The following EPM2A variants were observed in gnomAD, a reference collection of about 807,000 sequenced individuals.
EPM2A encodes laforin.
Under a neutral mutation model 26.5 loss-of-function variants are expected in EPM2A, and 21 were observed. The observed-to-expected ratio is 0.79, with a 90% CI of 0.56 to 1.14. The LOEUF (loss-of-function observed/expected upper bound fraction) is 1.14, where lower values mean the gene tolerates loss of function less well. Among genes scored for constraint, EPM2A ranks in the 50% most tolerant of loss-of-function variants. The pLI, the probability that EPM2A is intolerant of heterozygous loss-of-function variation, is 0.00. For missense variants in EPM2A, 458 were observed against 440.8 expected, an observed-to-expected ratio of 1.04 and a Z score of -0.35; for synonymous variants, 217 against 177.6, an observed-to-expected ratio of 1.22 and a Z score of -1.76.
At chr6:145,679,012 A>G (rs1780290143) in intron 2 of EPM2A, among the ~76,000 whole-genome samples, 1 of 152,188 alleles carries the variant, frequency 6.6e-6, no homozygotes, top group African/African-American at 2.4e-5. Context: ...AATGTCCATC[A>G]ATGATAGACT....
At chr6:145,516,666 G>C (rs939744146) in intron 2 of EPM2A, among the ~76,000 whole-genome samples, 3 of 152,144 alleles carry the variant, frequency 2.0e-5, no homozygotes, top group East Asian at 1.9e-4. Context: ...GAATAGAGAA[G>C]TATATGGCCA....
chr6:145,501,033 T>C (rs1322437359), downstream of EPM2A, among the ~76,000 whole-genome samples: 1 of 152,202 alleles, frequency 6.6e-6, no homozygotes, highest in African/African-American at 2.4e-5. Context: ...ATAACACATA[T>C]AATATTTGTA....
Position 145,644,155 on chromosome 6 carries a change from C to G in EPM2A, c.477-8669G>C, listed in dbSNP as rs138445833. ...ATGTTCAGCTATACTGGGATGTTAA[C>G]TAAGTAAGATCCTCCTGCTAAAGCA... On this transcript the variant is annotated intron_variant, in intron 2 of 3. Transcript: ENST00000367519. Among the ~76,000 whole-genome samples the G allele has an allele frequency of 2.8e-3, 424 of 152,316 alleles. 1 individual carries two copies. The highest frequency in any genetic ancestry group is 4.4e-3 in the Admixed American group (67 of 15,300).
chr6:145,516,486 A>G (rs1780129156), intron 2 of EPM2A, among the ~76,000 whole-genome samples: 1 of 152,168 alleles, frequency 6.6e-6, no homozygotes, highest in Admixed American at 6.5e-5. Flanking sequence ...GCTAAGATCA[A>G]GATAGGGATG....
intron 4 of EPM2A, among the ~76,000 whole-genome samples, chr6:145,425,197 G>C (rs972393795): frequency 1.6e-5 from 2 of 124,634 alleles, no homozygotes; most frequent in African/African-American, 2.8e-5. Context: ...TTTCTTTGAC[G>C]TAGTCTTGCT....
intron 2 of EPM2A, among the ~76,000 whole-genome samples, chr6:145,578,626 T>C (rs930794452): frequency 2.6e-5 from 4 of 152,256 alleles, no homozygotes; most frequent in African/African-American, 9.6e-5. Context: ...CTAATACCAA[T>C]CCTACCCAAA....
At chr6:145,457,488 A>G (rs547592640) in intron 4 of EPM2A, among the ~76,000 whole-genome samples, 1 of 151,908 alleles carries the variant, frequency 6.6e-6, no homozygotes, top group Admixed American at 6.6e-5. Flanking sequence ...TCTCAAAAAA[A>G]AAAAAAAAAA....
chr6:145,611,123 G>A (rs892173439), intron 2 of EPM2A, among the ~76,000 whole-genome samples: 15 of 151,876 alleles, frequency 9.9e-5, no homozygotes, highest in Non-Finnish European at 1.3e-4. Context: ...AATAGACCAC[G>A]AACAGATAAA....
chr6:145,706,587 G>A (rs1477190827), intron 1 of EPM2A, among the ~76,000 whole-genome samples: 1 of 152,056 alleles, frequency 6.6e-6, no homozygotes, highest in East Asian at 1.9e-4. Context: ...GGTAGCCACT[G>A]GAGAAAAACA....
chr6:145,701,120 C>T (rs539161604), intron 1 of EPM2A, among the ~76,000 whole-genome samples: 5 of 152,186 alleles, frequency 3.3e-5, no homozygotes, highest in South Asian at 2.1e-4. Context: ...TAAAAGAGGG[C>T]GTAATCCTGG....
chr6:145,420,382 A>C (rs1401355418), intron 4 of EPM2A, among the ~76,000 whole-genome samples: 1 of 152,182 alleles, frequency 6.6e-6, no homozygotes, highest in Admixed American at 6.6e-5. Context: ...ATTATGTCTT[A>C]TGCTGGCTGC....
chr6:145,408,778 T>C (rs1778603378), intron 4 of EPM2A, among the ~76,000 whole-genome samples: 1 of 152,156 alleles, frequency 6.6e-6, no homozygotes, highest in East Asian at 1.9e-4. Context: ...GGCTGGGAAG[T>C]CCAAGATCAA....
intron 1 of EPM2A, among the ~76,000 whole-genome samples, chr6:145,706,459 G>A (rs1782227666): frequency 6.6e-6 from 1 of 152,178 alleles, no homozygotes; most frequent in Non-Finnish European, 1.5e-5. Context: ...AATAACATTT[G>A]CTCCAGCTGG....
chr6:145,722,991 C>T (rs769793806), intron 1 of EPM2A, among the ~76,000 whole-genome samples: 2 of 152,170 alleles, frequency 1.3e-5, no homozygotes, highest in Non-Finnish European at 2.9e-5. Flanking sequence ...GTTATTTAAA[C>T]CACCCAGTGT....
downstream of EPM2A, among the ~76,000 whole-genome samples, chr6:145,497,967 G>T (rs906881189): frequency 6.6e-6 from 1 of 152,192 alleles, no homozygotes; most frequent in Non-Finnish European, 1.5e-5. Flanking sequence ...TCGAAACTCT[G>T]TCTACAGGAG....
At chr6:145,473,098 C>T (rs897185366) in intron 4 of EPM2A, among the ~76,000 whole-genome samples, 3 of 151,844 alleles carry the variant, frequency 2.0e-5, no homozygotes, top group Non-Finnish European at 2.9e-5. Context: ...AGATATGTCA[C>T]CTTTTAAACA....
At chr6:145,633,150 T>C (rs1776392578) in intron 3 of EPM2A, among the ~76,000 whole-genome samples, 7 of 152,160 alleles carry the variant, frequency 4.6e-5, no homozygotes, top group Admixed American at 4.6e-4. Flanking sequence ...CTTCAGGTAA[T>C]CAGTGTGTGG....
intron 4 of EPM2A, among the ~76,000 whole-genome samples, chr6:145,437,221 C>T (rs559869208): frequency 2.0e-5 from 3 of 152,072 alleles, no homozygotes; most frequent in African/African-American, 7.2e-5. Flanking sequence ...CTTCCCCCAC[C>T]GCCCCCCTCC....
chr6:145,509,788 C>A (rs116857640), intron 2 of EPM2A, among the ~76,000 whole-genome samples: 4,690 of 152,130 alleles, frequency 0.031, 102 homozygotes, highest in Non-Finnish European at 0.046. Context: ...CACACACTGG[C>A]AAATTGGATT....
Sources: gnomAD v4.1 joint callset for allele counts (sites outside exome capture counted in the v4.1 genomes callset) on GRCh38, gnomAD v4.1.1 for gene constraint, MANE v1.5 for transcripts, NCBI Gene and HGNC (gene_info 2026-07-23, HGNC 2026-07-21) for gene names.